The following NCKAP5 variants were observed in gnomAD, a reference collection of about 807,000 sequenced individuals.
NCKAP5 encodes the protein nck-associated protein 5.
A neutral mutation model predicts 167.0 loss-of-function variants in NCKAP5; 92 were observed. That is an observed-to-expected ratio of 0.55 (90% CI 0.47 to 0.66). NCKAP5 has a LOEUF of 0.66. Ranked by LOEUF, NCKAP5 falls within the 30% of genes least tolerant of loss-of-function variation. The pLI, the probability that NCKAP5 is intolerant of heterozygous loss-of-function variation, is 0.00. For synonymous variants in NCKAP5, 891 were observed against 877.4 expected, an observed-to-expected ratio of 1.02 and a Z score of -0.27; for missense variants, 2,378 against 2,315.0, an observed-to-expected ratio of 1.03 and a Z score of -0.56.
intron 5 of NCKAP5, among the ~76,000 whole-genome samples, chr2:133,178,488 CAAT>C (rs1333750730): frequency 2.3e-5 from 2 of 86,280 alleles, no homozygotes; most frequent in Non-Finnish European, 4.2e-5. Flanking sequence ...CTGGGTGACA[CAAT>C]GAGACCCTGT....
At chr2:132,951,843 T>C (rs2076198623) in intron 8 of NCKAP5, among the ~76,000 whole-genome samples, 2 of 152,210 alleles carry the variant, frequency 1.3e-5, no homozygotes, top group Non-Finnish European at 2.9e-5. Context: ...TCATACTGCT[T>C]TTTGAATCAC....
rs375151869 is a variant in NCKAP5 at position 132,999,834 on chromosome 2, CT to C, written c.342-5596del. Among the ~76,000 whole-genome samples, 670 of 152,172 alleles carry C rather than the reference CT, an allele frequency of 4.4e-3. 9 individuals carry two copies. Among genetic ancestry groups the C allele is most frequent in the African/African-American group, 0.015 (632 of 41,528 alleles). ...TACACCAAATTGTTCTTTTTCACCC[CT>C]ATATTCAGTTATTTAGTTGAGACTA... is the stretch of plus-strand genomic sequence containing the variant. On this transcript the variant is annotated intron_variant, in intron 6 of 19. Coordinates refer to ENST00000409261, the MANE Select transcript of NCKAP5 (RefSeq NM_207363.3).
At chr2:132,818,925 C>T (rs181259745) in intron 11 of NCKAP5, among the ~76,000 whole-genome samples, 11 of 152,242 alleles carry the variant, frequency 7.2e-5, no homozygotes, top group South Asian at 2.1e-4. Context: ...TTGCCTCTTG[C>T]GCTTGCTATT....
At position 133,115,815 on chromosome 2, in the gene NCKAP5, A is replaced by G. The variant is rs1292552356; in HGVS notation, c.341+14163T>C. ...TATATATATATATATATATATATAT[A>G]TAGTGTTCACACACACACACACACA... On this transcript the variant is annotated intron_variant, in intron 6 of 19. Transcript: ENST00000409261. Among the ~76,000 whole-genome samples, 179 of 83,722 alleles carry G rather than the reference A, an allele frequency of 2.1e-3. 1 individual carries two copies. Among genetic ancestry groups the G allele is most frequent in the Non-Finnish European group, 3.1e-3 (141 of 45,228 alleles). 54.9% of individuals were successfully genotyped at this position (83,722 alleles called of 152,430 possible).
rs142527767 is a variant in NCKAP5, at chr2:133,556,044, A to G, written c.-62+3006T>C. Among the ~76,000 whole-genome samples the G allele has an allele frequency of 1.6e-3, 249 of 152,354 alleles. 1 individual carries two copies. The highest frequency in any genetic ancestry group is 5.6e-3 in the African/African-American group (233 of 41,592). On this transcript the variant is annotated intron_variant, in intron 2 of 19. Transcript: ENST00000409261. ...AAATTACACAAACCGTATGATTCCA[A>G]TTAGATAAAGTACACAAAAGGCCAA...
chr2:132,776,715 C>T (rs969858266), intron 15 of NCKAP5, among the ~76,000 whole-genome samples: 4 of 152,154 alleles, frequency 2.6e-5, no homozygotes, highest in Non-Finnish European at 4.4e-5. Flanking sequence ...ATCCATTTGC[C>T]TATGGAAATG....
chr2:133,414,015 T>C (rs1484701221), intron 3 of NCKAP5, among the ~76,000 whole-genome samples: 1 of 152,192 alleles, frequency 6.6e-6, no homozygotes, highest in Non-Finnish European at 1.5e-5. Context: ...CCTGGTGCCC[T>C]TGGGGCCTTG....
At chr2:132,759,053 C>T (rs181251809) in intron 16 of NCKAP5, among the ~76,000 whole-genome samples, 46 of 152,104 alleles carry the variant, frequency 3.0e-4, no homozygotes, top group African/African-American at 1.1e-3. Context: ...TTCCTTCTTA[C>T]CATATTGTTT....
chr2:133,504,511 A>G (rs1297105001), intron 3 of NCKAP5, among the ~76,000 whole-genome samples: 1 of 151,982 alleles, frequency 6.6e-6, no homozygotes, highest in African/African-American at 2.4e-5. Flanking sequence ...AAAATACTAT[A>G]AGAGAACCCT....
intron 3 of NCKAP5, among the ~76,000 whole-genome samples, chr2:133,384,670 G>C (rs568925839): frequency 6.6e-6 from 1 of 152,150 alleles, no homozygotes. Context: ...TCACAATATT[G>C]ATTCTTCCTA....
At position 132,785,377 on chromosome 2, in the gene NCKAP5, C is replaced by T. The variant is rs768156872; in HGVS notation, c.1434G>A (p.Ala478=). The change falls in exon 14 of 20, where the codon GCG becomes GCA. Residue 478 remains alanine (A), a synonymous_variant. Coordinates refer to ENST00000409261, the MANE Select transcript of NCKAP5 (RefSeq NM_207363.3). ...FVYDLDSHVD[A]DDDPSTLALL... ...ATGCTAAGGTGGAAGGGTCATCGTC[C>T]GCATCAACGTGGGAATCTAGATCAT... The T allele has an allele frequency of 3.0e-5, 49 of 1,613,852 alleles. No homozygotes were observed. The highest frequency in any genetic ancestry group is 3.8e-5 in the Non-Finnish European group (45 of 1,179,896).
At chr2:133,624,808 TC>T in the NCKAP5 span, among the ~76,000 whole-genome samples, 1 of 152,194 alleles carries the variant, frequency 6.6e-6, no homozygotes, top group Admixed American at 6.5e-5. Context: ...GTTTTTGGAA[TC>T]CACATATATA....
At chr2:133,374,340 G>T (rs567902521) in intron 3 of NCKAP5, among the ~76,000 whole-genome samples, 2 of 152,206 alleles carry the variant, frequency 1.3e-5, no homozygotes, top group Non-Finnish European at 2.9e-5. Flanking sequence ...TTTTCCAGGG[G>T]ATAAGGGGAA....
intron 1 of NCKAP5, among the ~76,000 whole-genome samples, chr2:133,559,852 T>G (rs966060181): frequency 1.3e-5 from 2 of 152,190 alleles, no homozygotes; most frequent in African/African-American, 4.8e-5. Flanking sequence ...AAAGAATGTT[T>G]CACAGCATAC....
At chr2:133,616,652 A>G in the NCKAP5 span, among the ~76,000 whole-genome samples, 1 of 152,070 alleles carries the variant, frequency 6.6e-6, no homozygotes, top group African/African-American at 2.4e-5. Flanking sequence ...AAATTGTGGC[A>G]ATAATCAATA....
chr2:133,577,800 A>G, the NCKAP5 span, among the ~76,000 whole-genome samples: 7 of 152,146 alleles, frequency 4.6e-5, no homozygotes, highest in Non-Finnish European at 7.3e-5. Context: ...TACTGCAGGA[A>G]CCATCCAGAA....
chr2:133,026,956 C>G (rs902068947), intron 6 of NCKAP5, among the ~76,000 whole-genome samples: 24 of 152,284 alleles, frequency 1.6e-4, no homozygotes, highest in African/African-American at 4.3e-4. Context: ...GTCTATGTCA[C>G]CCAGGATACC....
chr2:132,988,983 T>G, intron 7 of NCKAP5, among the ~76,000 whole-genome samples: 1 of 152,194 alleles, frequency 6.6e-6, no homozygotes, highest in Admixed American at 6.5e-5. Context: ...AGTTGGGTCC[T>G]TTTCCCCCCA....
chr2:132,709,828 C>T (rs934927172), intron 19 of NCKAP5, among the ~76,000 whole-genome samples: 1 of 152,000 alleles, frequency 6.6e-6, no homozygotes. Context: ...GAATATTTCC[C>T]ATTCATTTTA....
Sources: gnomAD v4.1 joint callset for allele counts (sites outside exome capture counted in the v4.1 genomes callset) on GRCh38, gnomAD v4.1.1 for gene constraint, MANE v1.5 for transcripts, NCBI Gene and HGNC (gene_info 2026-07-23, HGNC 2026-07-21) for gene names.